Variants in ERBB4 observed in about 807,000 individuals in gnomAD.
ERBB4 encodes the protein erb-b2 receptor tyrosine kinase 4.
A neutral mutation model predicts 158.0 loss-of-function variants in ERBB4; 42 were observed. The ratio of observed to expected loss-of-function variants is 0.27; its 90% CI spans 0.21 to 0.34. The LOEUF (loss-of-function observed/expected upper bound fraction) is 0.34. Among genes scored for constraint, ERBB4 ranks in the 10% least tolerant of loss-of-function variants. The pLI, the probability that ERBB4 is intolerant of heterozygous loss-of-function variation, is 1.00. For synonymous variants in ERBB4, 583 were observed against 558.7 expected (o/e 1.04, Z -0.61); for missense variants, 1,333 against 1,624.1 (o/e 0.82, Z 3.08).
chr2:211,677,915 G>T (rs1231283094), intron 13 of ERBB4, among the ~76,000 whole-genome samples: 1 of 151,846 alleles, frequency 6.6e-6, no homozygotes, highest in Non-Finnish European at 1.5e-5. Context: ...AATAAAGAAA[G>T]AAAATACTTT....
At chr2:211,579,436 T>C (rs2067996460) in intron 19 of ERBB4, among the ~76,000 whole-genome samples, 1 of 152,144 alleles carries the variant, frequency 6.6e-6, no homozygotes, top group South Asian at 2.1e-4. Context: ...GAGCCAGCAA[T>C]TCCATTACTG....
chr2:212,424,329 T>A (rs962164932), intron 1 of ERBB4, among the ~76,000 whole-genome samples: 1 of 152,092 alleles, frequency 6.6e-6, no homozygotes, highest in East Asian at 1.9e-4. Flanking sequence ...ATGGTAGGAC[T>A]TTCCCTGCCA....
chr2:211,857,089 A>G lies in ERBB4; in HGVS notation c.422-68930T>C, dbSNP rs117170217. On this transcript the variant is annotated intron_variant, in intron 3 of 27. Transcript: ENST00000342788. The stretch of plus-strand genomic sequence containing the variant: ...TTCTGGCATATGGTTGTCAGGTAAC[A>G]TTGCTAGGAAGTCCTACATTTTATT... Among the ~76,000 whole-genome samples the G allele has an allele frequency of 4.5e-4, 69 of 152,146 alleles. No individual in the cohort carries two copies. In the East Asian group the frequency reaches 0.013, roughly 28 times the overall value.
At chr2:212,536,896 G>A (rs1693101740) in intron 1 of ERBB4, among the ~76,000 whole-genome samples, 1 of 152,106 alleles carries the variant, frequency 6.6e-6, no homozygotes, top group African/African-American at 2.4e-5. Context: ...GGGAAAATAT[G>A]AAGGGACTCG....
intron 1 of ERBB4, among the ~76,000 whole-genome samples, chr2:212,205,851 C>G (rs1018375333): frequency 6.6e-6 from 1 of 151,968 alleles, no homozygotes; most frequent in African/African-American, 2.4e-5. Context: ...TTCTGAAAAC[C>G]GAGTTGATAA....
At chr2:212,006,878 T>C (rs1215349950) in intron 2 of ERBB4, among the ~76,000 whole-genome samples, 12 of 152,064 alleles carry the variant, frequency 7.9e-5, no homozygotes. Flanking sequence ...GACATCCCTT[T>C]ACATTTTAAC....
chr2:211,773,060 A>T (rs1368176769), intron 4 of ERBB4, among the ~76,000 whole-genome samples: 1 of 149,220 alleles, frequency 6.7e-6, no homozygotes, highest in African/African-American at 2.5e-5. Flanking sequence ...CTGGGATTAC[A>T]GCATGAGCCA....
At chr2:212,153,633 T>C (rs187246546) in intron 1 of ERBB4, among the ~76,000 whole-genome samples, 2 of 152,266 alleles carry the variant, frequency 1.3e-5, no homozygotes, top group African/African-American at 4.8e-5. Context: ...AGTAATTGCG[T>C]TTTTTGTCAT....
chr2:212,461,274 G>A (rs62186292), intron 1 of ERBB4, among the ~76,000 whole-genome samples: 2 of 152,206 alleles, frequency 1.3e-5, no homozygotes, highest in African/African-American at 4.8e-5. Flanking sequence ...AAGCCAGCCT[G>A]TGAAAGCAGC....
At chr2:212,112,826 A>T (rs2125543781) in intron 2 of ERBB4, among the ~76,000 whole-genome samples, 1 of 152,366 alleles carries the variant, frequency 6.6e-6, no homozygotes, top group East Asian at 1.9e-4. Context: ...AAGGAAGCTT[A>T]TAAATACTGT....
intron 25 of ERBB4, among the ~76,000 whole-genome samples, chr2:211,403,489 T>C (rs2063086384): frequency 6.6e-6 from 1 of 152,136 alleles, no homozygotes; most frequent in African/African-American, 2.4e-5. Flanking sequence ...ATCACTGAGA[T>C]TGCAATTATG....
rs142625656 is a variant in ERBB4, at chr2:212,348,015, T to C, written c.82+190434A>G. Among the ~76,000 whole-genome samples, 404 of 152,228 alleles carry C rather than the reference T, an allele frequency of 2.7e-3. 14 individuals carry two copies. In the East Asian group the frequency reaches 0.068, roughly 26 times the overall value. On this transcript the variant is annotated intron_variant, in intron 1 of 27. Transcript: ENST00000342788. The stretch of plus-strand genomic sequence containing the variant: ...GTTGGATGGATGGAGGGGTATTTTG[T>C]CATTTTATGTATAAACCAATGAACT...
At chr2:211,706,601 C>G (rs796795215) in intron 9 of ERBB4, among the ~76,000 whole-genome samples, 1 of 94,476 alleles carries the variant, frequency 1.1e-5, no homozygotes, top group Non-Finnish European at 2.3e-5. Context: ...CTTAAAAAAA[C>G]AAAAAAAAAA....
rs73989008 is a variant in ERBB4 at position 212,459,191 on chromosome 2, T to A, written c.82+79258A>T. Among the ~76,000 whole-genome samples the A allele has an allele frequency of 4.1e-3, 621 of 152,222 alleles. 6 individuals carry two copies. Among genetic ancestry groups the A allele is most frequent in the Middle Eastern group, 0.01 (3 of 294 alleles). ...TGAGGACATAATTAGTTTGTACTCTTTGAGTTGTTTTTTTTTATTTTATAG... is the reference window on the plus strand; with the variant it reads ...TGAGGACATAATTAGTTTGTACTCTATGAGTTGTTTTTTTTTATTTTATAG... On this transcript the variant is annotated intron_variant, in intron 1 of 27. Transcript: ENST00000342788.
intron 1 of ERBB4, among the ~76,000 whole-genome samples, chr2:212,275,542 CAT>C (rs1380751540): frequency 2.0e-5 from 3 of 151,694 alleles, no homozygotes; most frequent in Admixed American, 1.3e-4. Flanking sequence ...AGCGTTTTTT[CAT>C]ATGTTTGTTG....
intron 1 of ERBB4, among the ~76,000 whole-genome samples, chr2:212,285,096 T>C (rs961269947): frequency 3.3e-5 from 5 of 152,176 alleles, no homozygotes; most frequent in Admixed American, 6.6e-5. Context: ...GGTGGTCTGA[T>C]ATTTACATCA....
intron 1 of ERBB4, among the ~76,000 whole-genome samples, chr2:212,361,411 A>G (rs949908016): frequency 6.6e-6 from 1 of 151,568 alleles, no homozygotes; most frequent in South Asian, 2.1e-4. Flanking sequence ...TGGAGTTAGT[A>G]TATCAAAGAG....
intron 2 of ERBB4, among the ~76,000 whole-genome samples, chr2:212,018,415 A>T (rs2076575058): frequency 6.6e-6 from 1 of 152,188 alleles, no homozygotes; most frequent in African/African-American, 2.4e-5. Flanking sequence ...TCACTTACCA[A>T]ATGTGACCTA....
At chr2:212,243,700 C>G (rs968741457) in intron 1 of ERBB4, among the ~76,000 whole-genome samples, 1 of 151,900 alleles carries the variant, frequency 6.6e-6, no homozygotes, top group Non-Finnish European at 1.5e-5. Context: ...GGGTCATATC[C>G]CAATCACCTA....
Sources: gnomAD v4.1 joint callset for allele counts (sites outside exome capture counted in the v4.1 genomes callset) on GRCh38, gnomAD v4.1.1 for gene constraint, MANE v1.5 for transcripts, NCBI Gene and HGNC (gene_info 2026-07-23, HGNC 2026-07-21) for gene names.